TSPAN15: variants seen among roughly 807,000 people sequenced by gnomAD.
TSPAN15 encodes tetraspanin 15, also known as tetraspanin-15.
In TSPAN15, 20 loss-of-function variants were observed where a neutral mutation model predicts 34.5. The observed-to-expected ratio is 0.58, with a 90% CI of 0.41 to 0.84. TSPAN15 has a LOEUF of 0.84. Ranked by LOEUF, TSPAN15 falls within the 40% of genes least tolerant of loss-of-function variation. The pLI, the probability that TSPAN15 is intolerant of heterozygous loss-of-function variation, is 0.00. For synonymous variants in TSPAN15, 155 were observed against 153.9 expected (o/e 1.01, Z -0.05); for missense variants, 313 against 386.1 (o/e 0.81, Z 1.59).
chr10:69,508,957 T>G (rs1842387957), downstream of TSPAN15, among the ~76,000 whole-genome samples: 2 of 152,254 alleles, frequency 1.3e-5, no homozygotes, highest in South Asian at 4.1e-4. Context: ...TAGCCGCTGC[T>G]GCAGCCTCTG....
rs75621657 is a variant in TSPAN15, at chr10:69,473,752, T to G, written c.97-9939T>G. On this transcript the variant is annotated intron_variant, in intron 1 of 7. Transcript: ENST00000373290. The stretch of plus-strand genomic sequence containing the variant: ...CCCAGTGCTCCTTCCCTTTCCCCTT[T>G]GTCCTCTTTGGAGACATGAGCCCTT... 6.1e-3 allele frequency among the ~76,000 whole-genome samples: 922 copies of G among 152,248 alleles called. 8 individuals are homozygous for G. The highest frequency in any genetic ancestry group is 0.01 in the Middle Eastern group (3 of 292).
chr10:69,496,320 C>CAATAATAAT (rs3028371), intron 4 of TSPAN15, among the ~76,000 whole-genome samples: 1,807 of 132,462 alleles, frequency 0.014, 18 homozygotes, highest in African/African-American at 0.028. Flanking sequence ...TCTGTTGGTG[C>CAATAATAAT]AATAATAATA....
chr10:69,529,891 C>G, the TSPAN15 span, among the ~76,000 whole-genome samples: 116 of 146,238 alleles, frequency 7.9e-4, 9 homozygotes, highest in Non-Finnish European at 1.5e-3. Flanking sequence ...ATTCTTATGC[C>G]TTTGCATCCT....
At chr10:69,526,639 A>T in the TSPAN15 span, among the ~76,000 whole-genome samples, 1 of 147,492 alleles carries the variant, frequency 6.8e-6, no homozygotes, top group Non-Finnish European at 1.5e-5. Flanking sequence ...CAAAAATAAA[A>T]GTTAGCCCAG....
chr10:69,454,369 T>G (rs1841038159), intron 1 of TSPAN15, among the ~76,000 whole-genome samples: 1 of 151,972 alleles, frequency 6.6e-6, no homozygotes, highest in Non-Finnish European at 1.5e-5. Context: ...AATACAAAAA[T>G]TAGCCAGGCG....
In TSPAN15 at chr10:69,502,477, C is replaced by T. The variant is rs148262319; in HGVS notation, c.571-1961C>T. On this transcript the variant is annotated intron_variant, in intron 5 of 7. Coordinates refer to ENST00000373290, the MANE Select transcript of TSPAN15 (RefSeq NM_012339.5). ...TTTTCAGGGTGAGAGGATGCACACA[C>T]AAACATTGCTGTGATCTTCTGGCTG... is the stretch of plus-strand genomic sequence containing the variant. Among the ~76,000 whole-genome samples, 426 of 152,318 alleles carry T rather than the reference C, an allele frequency of 2.8e-3. 3 individuals are homozygous for T. Among genetic ancestry groups the T allele is most frequent in the African/African-American group, 9.8e-3 (408 of 41,550 alleles).
intron 3 of TSPAN15, 81 bp from the exon 4 acceptor site, chr10:69,495,513 C>T: frequency 9.8e-7 from 1 of 1,018,284 alleles, no homozygotes; most frequent in South Asian, 1.3e-5. Context: ...CATTCTCTAC[C>T]CATCCAGGCT....
chr10:69,508,153 G>A (rs573883672), downstream of TSPAN15, among the ~76,000 whole-genome samples: 4 of 152,230 alleles, frequency 2.6e-5, no homozygotes, highest in African/African-American at 9.6e-5. Flanking sequence ...TAGAAATAAA[G>A]TAGCAAGAGG....
intron 1 of TSPAN15, among the ~76,000 whole-genome samples, chr10:69,473,726 G>A (rs1255886786): frequency 2.6e-5 from 4 of 152,086 alleles, no homozygotes; most frequent in South Asian, 2.1e-4. Context: ...GTGGCCAGCC[G>A]CCCAGTGCTC....
intron 1 of TSPAN15, among the ~76,000 whole-genome samples, chr10:69,482,764 C>T (rs867561396): frequency 2.0e-5 from 3 of 152,182 alleles, no homozygotes; most frequent in Admixed American, 6.5e-5. Context: ...GGCTCGAACC[C>T]ATGTTCTCTG....
the TSPAN15 span, among the ~76,000 whole-genome samples, chr10:69,518,514 C>T: frequency 2.6e-5 from 4 of 152,262 alleles, no homozygotes; most frequent in African/African-American, 4.8e-5. Context: ...ATCTCCACCT[C>T]GTGGGTTCAA....
At chr10:69,548,365 C>T in the TSPAN15 span, among the ~76,000 whole-genome samples, 1 of 152,222 alleles carries the variant, frequency 6.6e-6, no homozygotes, top group South Asian at 2.1e-4. Context: ...TTCCTTACTC[C>T]TGATGTTTCT....
At chr10:69,537,752 G>GTCCCTA in the TSPAN15 span, among the ~76,000 whole-genome samples, 1 of 152,178 alleles carries the variant, frequency 6.6e-6, no homozygotes, top group Non-Finnish European at 1.5e-5. Context: ...TGGGAAGAAC[G>GTCCCTA]TGATTCCGTC....
At chr10:69,482,790 G>A (rs777095852) in intron 1 of TSPAN15, among the ~76,000 whole-genome samples, 24 of 152,116 alleles carry the variant, frequency 1.6e-4, no homozygotes, top group Non-Finnish European at 3.4e-4. Flanking sequence ...CCAGCCAGTG[G>A]CATTTCCCCT....
In TSPAN15 at chr10:69,495,457, G is replaced by A. The variant is rs115400470; in HGVS notation, c.358-137G>A. 1,947 of 643,440 alleles carry A rather than the reference G, an allele frequency of 3.0e-3. 29 individuals carry two copies. The African/African-American group carries it at 0.031, about 10-fold the overall frequency. The allele number at this position is 643,440 out of a possible 1,614,324, so 39.9% of individuals were successfully genotyped here. ...GTCACGGGCATCCAGGGTGGGGAGT[G>A]GAGGGGGCTCCATGCTGGCTGGGCG... On this transcript the variant is annotated intron_variant, in intron 3 of 7. Transcript: ENST00000373290.
the TSPAN15 span, among the ~76,000 whole-genome samples, chr10:69,518,516 T>C: frequency 1.3e-5 from 2 of 152,184 alleles, no homozygotes; most frequent in Non-Finnish European, 2.9e-5. Flanking sequence ...CTCCACCTCG[T>C]GGGTTCAAGC....
chr10:69,541,522 C>A, the TSPAN15 span, among the ~76,000 whole-genome samples: 1 of 152,366 alleles, frequency 6.6e-6, no homozygotes, highest in South Asian at 2.1e-4. Context: ...CTTCTCACAG[C>A]TCCACCAGGC....
At chr10:69,492,249 C>T (rs1047743798) in intron 3 of TSPAN15, among the ~76,000 whole-genome samples, 6 of 152,096 alleles carry the variant, frequency 3.9e-5, no homozygotes, top group Non-Finnish European at 8.8e-5. Flanking sequence ...CTGAGTGGCT[C>T]CCCTGGTCTC....
chr10:69,504,623 C>A, intron 6 of TSPAN15, 138 bp downstream of exon 6: 2 of 891,796 alleles, frequency 2.2e-6, no homozygotes, highest in Non-Finnish European at 3.6e-6. Context: ...AGAGCCAGGA[C>A]TGCTGTGGTT....
Sources: gnomAD v4.1 joint callset for allele counts (sites outside exome capture counted in the v4.1 genomes callset) on GRCh38, gnomAD v4.1.1 for gene constraint, MANE v1.5 for transcripts, NCBI Gene and HGNC (gene_info 2026-07-23, HGNC 2026-07-21) for gene names.